The following VWA3B variants were observed in gnomAD, a reference collection of about 807,000 sequenced individuals.
VWA3B encodes von Willebrand factor A domain containing 3B, also known as von Willebrand factor A domain-containing protein 3B.
Under a neutral mutation model 158.3 loss-of-function variants are expected in VWA3B, and 138 were observed. The ratio of observed to expected loss-of-function variants is 0.87; its 90% confidence interval spans 0.76 to 1.00. The LOEUF (loss-of-function observed/expected upper bound fraction) is 1.00. Ranked by LOEUF, VWA3B falls within the 50% of genes least tolerant of loss-of-function variation. The pLI is 0.00. For synonymous variants in VWA3B, 596 were observed against 587.3 expected (o/e 1.01, Z -0.21); for missense variants, 1,555 against 1,565.1 (o/e 0.99, Z 0.11).
At chr2:98,215,354 T>C (rs930503975) in intron 13 of VWA3B, among the ~76,000 whole-genome samples, 2 of 147,810 alleles carry the variant, frequency 1.4e-5, no homozygotes, top group African/African-American at 5.0e-5. Flanking sequence ...GGCAGAAGAA[T>C]GGTGTGAACC....
downstream of VWA3B, among the ~76,000 whole-genome samples, chr2:98,314,161 C>T (rs1691036452): frequency 6.6e-6 from 1 of 152,198 alleles, no homozygotes; most frequent in Non-Finnish European, 1.5e-5. Flanking sequence ...CACAGCCCGG[C>T]AGCCTCTGTG....
intron 14 of VWA3B, among the ~76,000 whole-genome samples, chr2:98,227,149 T>A (rs1399425528): frequency 6.6e-6 from 1 of 152,140 alleles, no homozygotes; most frequent in Non-Finnish European, 1.5e-5. Flanking sequence ...GAAAACCCCA[T>A]CGTCTCAGCC....
At chr2:98,245,705 T>C (rs1257390946) in intron 19 of VWA3B, 2 of 431,300 alleles carry the variant, frequency 4.6e-6, no homozygotes, top group Non-Finnish European at 9.3e-6. Context: ...TGATTCACAA[T>C]TGTGCCATAC....
At position 98,121,467 on chromosome 2, in the gene VWA3B, G is replaced by A. The variant is rs200761751; in HGVS notation, c.702+9G>A. On this transcript the variant is annotated intron_variant, in intron 5 of 27. Coordinates refer to ENST00000477737, the MANE Select transcript of VWA3B (RefSeq NM_144992.5). ...CCGGGAGAGACAAGACTGTAAGTGC[G>A]TGTTCATGGCTGGCCCCAGGCCATG... 9.3e-6 allele frequency: 15 copies of A among 1,611,616 alleles called. No individual in the cohort carries two copies. The highest frequency in any genetic ancestry group is 2.7e-5 in the African/African-American group (2 of 74,892).
chr2:98,310,029 G>A (rs566011756), intron 26 of VWA3B, among the ~76,000 whole-genome samples: 4 of 152,290 alleles, frequency 2.6e-5, no homozygotes, highest in South Asian at 4.1e-4. Flanking sequence ...ACAGAGATTC[G>A]CCAGCCTTCA....
chr2:98,163,855 G>T (rs1678852296), intron 8 of VWA3B, among the ~76,000 whole-genome samples: 2 of 152,210 alleles, frequency 1.3e-5, no homozygotes, highest in African/African-American at 4.8e-5. Context: ...AGATACTGAG[G>T]GTGGGGCATT....
Position 98,179,032 on chromosome 2 carries a change from C to T in VWA3B, c.1115-1984C>T, listed in dbSNP as rs79414153. Among the ~76,000 whole-genome samples the T allele has an allele frequency of 7.9e-3, 1,203 of 152,280 alleles. 21 individuals are homozygous for T. The highest frequency in any genetic ancestry group is 0.076 in the East Asian group (395 of 5,182). ...GTGCAAATGTTTAACAACCCACTCC[C>T]GGGAATGAAAAAAGCCCCGATGTGT... On this transcript the variant is annotated intron_variant, in intron 8 of 27. Coordinates refer to ENST00000477737, the MANE Select transcript of VWA3B (RefSeq NM_144992.5).
intron 9 of VWA3B, among the ~76,000 whole-genome samples, chr2:98,184,340 G>A (rs1680841982): frequency 6.6e-6 from 1 of 152,214 alleles, no homozygotes; most frequent in South Asian, 2.1e-4. Flanking sequence ...TGGGAGCATA[G>A]GACAGATCTC....
At chr2:98,267,659 A>T (rs552675910) in intron 21 of VWA3B, among the ~76,000 whole-genome samples, 22 of 152,176 alleles carry the variant, frequency 1.4e-4, no homozygotes, top group African/African-American at 5.3e-4. Context: ...CACATTCAAA[A>T]GCTAGCAGAA....
intron 5 of VWA3B, among the ~76,000 whole-genome samples, chr2:98,121,750 G>T (rs1674988665): frequency 6.6e-6 from 1 of 152,028 alleles, no homozygotes; most frequent in Admixed American, 6.5e-5. Flanking sequence ...CACACCCACC[G>T]AGCACCGAGA....
chr2:98,241,386 G>A (rs1389521027), intron 19 of VWA3B, among the ~76,000 whole-genome samples: 2 of 151,918 alleles, frequency 1.3e-5, no homozygotes, highest in Non-Finnish European at 2.9e-5. Context: ...AATTAATTTG[G>A]GGTTTGAGCT....
chr2:98,248,787 G>A (rs979980439), intron 19 of VWA3B, among the ~76,000 whole-genome samples: 8 of 152,146 alleles, frequency 5.3e-5, no homozygotes, highest in East Asian at 1.9e-4. Context: ...ACCTATCAGC[G>A]TGTGTCCCTT....
intron 7 of VWA3B, among the ~76,000 whole-genome samples, chr2:98,156,666 G>GTTT (rs34156416): frequency 1.8e-5 from 2 of 113,104 alleles, no homozygotes; most frequent in East Asian, 3.2e-4. Flanking sequence ...AAAAAACTCA[G>GTTT]TTTTTTTTTT....
intron 12 of VWA3B, among the ~76,000 whole-genome samples, chr2:98,209,313 T>C (rs1289404873): frequency 1.3e-5 from 2 of 152,104 alleles, no homozygotes; most frequent in Non-Finnish European, 2.9e-5. Flanking sequence ...TGGAGTCTTG[T>C]ACTGTCGCCC....
intron 16 of VWA3B, among the ~76,000 whole-genome samples, chr2:98,233,370 T>A (rs1429256807): frequency 6.6e-6 from 1 of 152,190 alleles, no homozygotes; most frequent in East Asian, 1.9e-4. Flanking sequence ...ATTTGTGGCC[T>A]TTGGGAATGG....
intron 2 of VWA3B, among the ~76,000 whole-genome samples, chr2:98,111,745 A>T (rs6543285): frequency 0.26 from 39,366 of 151,826 alleles, 5,717 homozygotes; most frequent in African/African-American, 0.4. Flanking sequence ...AAATGGGGTT[A>T]TTTTTTGCTT....
intron 22 of VWA3B, among the ~76,000 whole-genome samples, chr2:98,272,806 A>G (rs1296092918): frequency 2.0e-5 from 3 of 152,234 alleles, no homozygotes; most frequent in Non-Finnish European, 2.9e-5. Flanking sequence ...TGGCTAGACC[A>G]TGAGGGCTCT....
the VWA3B span, among the ~76,000 whole-genome samples, chr2:98,328,686 GA>G: frequency 6.6e-6 from 1 of 152,036 alleles, no homozygotes; most frequent in Non-Finnish European, 1.5e-5. Context: ...AGAAATTAAA[GA>G]TCAAAATAAG....
chr2:98,212,871 T>G (rs1007822593), intron 13 of VWA3B, among the ~76,000 whole-genome samples: 1 of 152,222 alleles, frequency 6.6e-6, no homozygotes, highest in Non-Finnish European at 1.5e-5. Context: ...GTGTCTCTCT[T>G]CTGTTCCATG....
Sources: allele counts gnomAD v4.1 joint callset (sites outside exome capture counted in the v4.1 genomes callset), GRCh38; gene constraint gnomAD v4.1.1; transcripts MANE v1.5; gene names NCBI Gene and HGNC (gene_info 2026-07-23, HGNC 2026-07-21).